The following FAM186A variants were observed in gnomAD, a reference collection of about 807,000 sequenced individuals.
FAM186A encodes the protein family with sequence similarity 186 member A.
A neutral mutation model predicts 216.8 loss-of-function variants in FAM186A; 163 were observed. The ratio of observed to expected loss-of-function variants is 0.75; its 90% CI spans 0.66 to 0.86. The LOEUF is 0.86. Ranked by LOEUF, FAM186A falls within the 40% of genes least tolerant of loss-of-function variation. The pLI, the probability that FAM186A is intolerant of heterozygous loss-of-function variation, is 0.00. For synonymous variants in FAM186A, 805 were observed against 1,025.3 expected (o/e 0.79, Z 4.10); for missense variants, 2,184 against 2,746.2 (o/e 0.80, Z 4.58).
chr12:50,390,788 C>G (rs912755515), intron 1 of FAM186A, among the ~76,000 whole-genome samples: 1 of 152,076 alleles, frequency 6.6e-6, no homozygotes, highest in Non-Finnish European at 1.5e-5. Flanking sequence ...GTGAAAGGGC[C>G]TAGCACAATG....
intron 1 of FAM186A, among the ~76,000 whole-genome samples, chr12:50,385,417 CAAAAAAAAA>C (rs1281395536): frequency 3.9e-5 from 2 of 51,850 alleles, no homozygotes; most frequent in Non-Finnish European, 8.3e-5. Flanking sequence ...GACTCTGTCT[CAAAAAAAAA>C]AAAAAAAAAG....
chr12:50,390,999 T>G (rs1358511794), intron 1 of FAM186A, among the ~76,000 whole-genome samples: 1 of 151,874 alleles, frequency 6.6e-6, no homozygotes, highest in African/African-American at 2.4e-5. Flanking sequence ...CTCCTTTTTT[T>G]TGTTTTTGAG....
At chr12:50,374,728 G>A (rs531516866) in intron 1 of FAM186A, among the ~76,000 whole-genome samples, 3 of 152,144 alleles carry the variant, frequency 2.0e-5, no homozygotes, top group African/African-American at 7.2e-5. Flanking sequence ...GTGCTCTAAA[G>A]GTTCTGTTCT....
intron 4 of FAM186A, among the ~76,000 whole-genome samples, chr12:50,337,765 A>G (rs1942724199): frequency 6.6e-6 from 1 of 151,942 alleles, no homozygotes; most frequent in Admixed American, 6.6e-5. Context: ...GCGTGGTGGC[A>G]AGCGCCTGTA....
In FAM186A at chr12:50,351,343, G is replaced by T. The variant is rs1942877608; in HGVS notation, c.5489C>A (p.Ala1830Asp). 2.0e-6 allele frequency: 3 copies of T among 1,490,516 alleles called. No homozygotes were observed. Among genetic ancestry groups the T allele is most frequent in the Non-Finnish European group, 2.7e-6 (3 of 1,122,326 alleles). 92.3% of individuals were successfully genotyped at this position (1,490,516 alleles called of 1,614,324 possible). ...AAAGGGCTGCCCTGGAGTGGGAGGG[G>T]CCCGAGATATTGGGAGCTGCCCAGG... ...PSPGQLPISR[A>D]PPTPGQPFIA... Residue 1830 changes from alanine to aspartate, a missense_variant, in exon 4 of 8, where the codon GCC (alanine) becomes GAC (aspartate). Physicochemically the swap from Ala to Asp is moderately radical, Grantham distance 126 (BLOSUM62 -2). Transcript: ENST00000327337.
intron 1 of FAM186A, among the ~76,000 whole-genome samples, chr12:50,383,362 G>A (rs942631598): frequency 1.9e-4 from 28 of 148,358 alleles, no homozygotes; most frequent in African/African-American, 2.7e-4. Flanking sequence ...TTTGGGAGGC[G>A]GAAGCACGTG....
chr12:50,369,357 G>T (rs147338623), intron 1 of FAM186A, among the ~76,000 whole-genome samples: 1,683 of 152,008 alleles, frequency 0.011, 28 homozygotes, highest in African/African-American at 0.037. Flanking sequence ...CAGGCATGGT[G>T]GTGGGCGCCT....
intron 6 of FAM186A, 27 bp from the exon 7 acceptor site, chr12:50,330,785 G>A (rs368629750): frequency 2.2e-4 from 332 of 1,491,364 alleles, no homozygotes; most frequent in Admixed American, 3.3e-4. Flanking sequence ...AATTGGGAAC[G>A]CCAAATTCTC....
At chr12:50,370,156 T>TAGCC (rs376465436) in intron 1 of FAM186A, among the ~76,000 whole-genome samples, 18 of 119,492 alleles carry the variant, frequency 1.5e-4, no homozygotes, top group African/African-American at 5.5e-4. Flanking sequence ...AAGCAAAACT[T>TAGCC]AGCCAGGCAT....
chr12:50,334,716 G>C (rs1231009020), intron 4 of FAM186A, among the ~76,000 whole-genome samples: 2 of 151,984 alleles, frequency 1.3e-5, no homozygotes. Flanking sequence ...GACCTCAAGC[G>C]ATCCTCCTGC....
At chr12:50,349,621 T>C (rs1942854655) in intron 4 of FAM186A, among the ~76,000 whole-genome samples, 1 of 146,238 alleles carries the variant, frequency 6.8e-6, no homozygotes, top group African/African-American at 2.5e-5. Context: ...GTTCCATTCA[T>C]GTTGTTGCAA....
chr12:50,354,386 T>G lies in FAM186A; in HGVS notation c.2446A>C (p.Lys816Gln), dbSNP rs146850695. The change falls in exon 4 of 8, where the codon AAG (lysine) becomes CAG (glutamine). Residue 816 changes from lysine (K) to glutamine (Q), a missense_variant. Lys to Gln is a moderately conservative substitution (Grantham distance 53). Coordinates refer to ENST00000327337, the MANE Select transcript of FAM186A (RefSeq NM_001145475.3). ...TCCTGCCTTTGTTTTTCCTTCTCCT[T>G]GTGGTCTTTCTGTACTGTTGAGACT... Reference protein sequence around the residue: ...PTVSTVQKDHKEKEKQRQEQY... With the variant: ...PTVSTVQKDHQEKEKQRQEQY... 3,943 of 1,551,604 alleles carry G rather than the reference T, an allele frequency of 2.5e-3. 13 individuals are homozygous for G. Among genetic ancestry groups the G allele is most frequent in the Non-Finnish European group, 2.8e-3 (3,199 of 1,147,004 alleles).
intron 1 of FAM186A, among the ~76,000 whole-genome samples, chr12:50,378,602 T>TATATAC (rs1330695555): frequency 7.3e-5 from 1 of 13,788 alleles, no homozygotes; most frequent in African/African-American, 1.4e-4. Flanking sequence ...TATATATATA[T>TATATAC]ACACATATGT....
chr12:50,381,881 G>A (rs923283987), intron 1 of FAM186A, among the ~76,000 whole-genome samples: 6 of 152,076 alleles, frequency 3.9e-5, no homozygotes, highest in Non-Finnish European at 8.8e-5. Flanking sequence ...AATCACCTGA[G>A]CCCAGGAAGT....
rs1942965348 is a variant in FAM186A, at chr12:50,355,490, G to T, written c.1342C>A (p.Gln448Lys). ...TGATACTCATCAGTCTCATCTTCCT[G>T]ATAGAAATCACCTTTCTTCAATGAT... is the stretch of plus-strand genomic sequence containing the variant. ...NVSLKKGDFY[Q>K]EDETDEYQSW... is the part of the protein sequence containing the mutation. Residue 448 changes from glutamine (Q) to lysine (K), a missense_variant, in exon 4 of 8, where the codon CAG becomes AAG. By Grantham distance (53) the Gln-to-Lys change is moderately conservative. Transcript: ENST00000327337. 3.2e-6 allele frequency: 5 copies of T among 1,551,232 alleles called. No individual in the cohort carries two copies. Among genetic ancestry groups the T allele is most frequent in the Non-Finnish European group, 4.4e-6 (5 of 1,146,910 alleles).
At chr12:50,394,760 T>TAG (rs1943397488) in intron 1 of FAM186A, among the ~76,000 whole-genome samples, 1 of 112,740 alleles carries the variant, frequency 8.9e-6, no homozygotes, top group African/African-American at 2.8e-5. Flanking sequence ...TTTTTTTTTT[T>TAG]AGAGATAGAG....
At chr12:50,337,915 T>C (rs4768902) in intron 4 of FAM186A, among the ~76,000 whole-genome samples, 19 of 151,326 alleles carry the variant, frequency 1.3e-4, no homozygotes, top group South Asian at 2.1e-4. Context: ...AACAAACAAA[T>C]AAACAAACAA....
rs1339045719 is a variant in FAM186A at position 50,352,994 on chromosome 12, T to TG, written c.3837dup (p.Thr1280HisfsTer3). 1 of 1,528,634 alleles carries TG rather than the reference T, an allele frequency of 6.5e-7. No individual in the cohort carries two copies. Among genetic ancestry groups the TG allele is most frequent in the East Asian group, 2.5e-5 (1 of 39,390 alleles). 94.7% of individuals were successfully genotyped at this position (1,528,634 alleles called of 1,614,324 possible). On this transcript the variant is annotated frameshift_variant, in exon 4 of 8. Transcript: ENST00000327337. LOFTEE classifies it high-confidence loss of function. ...CCCAATTCCTGAGCCTGCTTAGGGG[T>TG]GAGAGTGATCCCCAGGGCCTGGGCC...
intron 1 of FAM186A, among the ~76,000 whole-genome samples, chr12:50,384,546 C>T (rs912779213): frequency 6.6e-6 from 1 of 152,026 alleles, no homozygotes; most frequent in African/African-American, 2.4e-5. Flanking sequence ...TTTCAAAATT[C>T]AATACAAAGC....
Sources: gnomAD v4.1 joint callset for allele counts (sites outside exome capture counted in the v4.1 genomes callset) on GRCh38, gnomAD v4.1.1 for gene constraint, MANE v1.5 for transcripts, NCBI Gene and HGNC (gene_info 2026-07-23, HGNC 2026-07-21) for gene names.